ARIH1: variants seen among roughly 807,000 people sequenced by gnomAD.
ARIH1 encodes E3 ubiquitin-protein ligase ARIH1.
In ARIH1, 8 loss-of-function variants were observed where a neutral mutation model predicts 85.0. The ratio of observed to expected loss-of-function variants is 0.09; its 90% CI spans 0.06 to 0.17. The LOEUF (loss-of-function observed/expected upper bound fraction) is 0.17, where lower values mean the gene tolerates loss of function less well. Among genes scored for constraint, ARIH1 ranks in the 10% least tolerant of loss-of-function variants. The pLI is 1.00. For missense variants in ARIH1, 311 were observed against 718.1 expected (o/e 0.43, Z 6.48); for synonymous variants, 238 against 253.6 (o/e 0.94, Z 0.59).
intron 5 of ARIH1, among the ~76,000 whole-genome samples, chr15:72,558,162 G>A (rs2064182735): frequency 6.6e-6 from 1 of 152,108 alleles, no homozygotes; most frequent in Admixed American, 6.6e-5. Context: ...GTTGGCTATG[G>A]GTTTGTCATA....
intron 7 of ARIH1, among the ~76,000 whole-genome samples, chr15:72,564,393 A>G (rs1207465928): frequency 6.6e-6 from 1 of 152,098 alleles, no homozygotes; most frequent in Non-Finnish European, 1.5e-5. Context: ...TATTTCTAAC[A>G]ACATTCTGTT....
At chr15:72,487,415 A>G (rs1454275685) in intron 1 of ARIH1, among the ~76,000 whole-genome samples, 2 of 152,260 alleles carry the variant, frequency 1.3e-5, no homozygotes, top group African/African-American at 2.4e-5. Context: ...AGTGTAAACT[A>G]GAAACCGAGA....
rs2064328027 is a variant in ARIH1 at position 72,588,622 on chromosome 15, A to T, written c.*5330A>T. On this transcript the variant is annotated 3_prime_UTR_variant, in exon 14 of 14. Coordinates refer to ENST00000379887, the MANE Select transcript of ARIH1 (RefSeq NM_005744.5). ...GGACAAAATGATTCAAGGCAAATTG[A>T]CTGGCTCAGAATAGGGCCTCACTGG... The T allele has an allele frequency of 6.6e-6, 1 of 152,180 alleles. No individual in the cohort carries two copies. Among genetic ancestry groups the T allele is most frequent in the Non-Finnish European group, 1.5e-5 (1 of 68,042 alleles). The allele number at this position is 152,180 out of a possible 1,614,324, so 9.4% of individuals were successfully genotyped here. A position where few individuals can be genotyped will look rare whatever the true frequency, so the allele number is the denominator to read the frequency against.
At position 72,555,961 on chromosome 15, in the gene ARIH1, A is replaced by C; in HGVS notation, c.737+54A>C. 3 of 1,502,140 alleles carry C rather than the reference A, an allele frequency of 2.0e-6. No homozygotes were observed. The South Asian group carries it at 3.5e-5, about 18-fold the overall frequency. 93.1% of individuals were successfully genotyped at this position (1,502,140 alleles called of 1,614,324 possible). A position where few individuals can be genotyped will look rare whatever the true frequency, so the allele number is the denominator to read the frequency against. ...GAATATTGGTTAGTTGGTTAAACCA[A>C]ATTAATTTTTACTTAGTACCTCAAA... is the stretch of plus-strand genomic sequence containing the variant. On this transcript the variant is annotated intron_variant, in intron 5 of 13. Transcript: ENST00000379887.
chr15:72,535,489 C>G (rs983405861), intron 2 of ARIH1, among the ~76,000 whole-genome samples: 1 of 152,130 alleles, frequency 6.6e-6, no homozygotes, highest in Non-Finnish European at 1.5e-5. Context: ...TATATTACTA[C>G]CTTGTGTTTT....
rs568054535 is a variant in ARIH1, at chr15:72,586,960, G to A, written c.*3668G>A. 4 of 337,682 alleles carry A rather than the reference G, an allele frequency of 1.2e-5. No individual in the cohort carries two copies. The highest frequency in any genetic ancestry group is 2.3e-5 in the Non-Finnish European group (4 of 176,314). The allele number at this position is 337,682 out of a possible 1,614,324, so 20.9% of individuals were successfully genotyped here. ...CTGATACTGTTATATAGGGATGAAG[G>A]GAGAGTTTTCTTAAAGAAGGTCCCA... On this transcript the variant is annotated 3_prime_UTR_variant, in exon 14 of 14. Transcript: ENST00000379887.
rs1275450522 is a variant in ARIH1 at position 72,588,909 on chromosome 15, A to G, written c.*5617A>G. 6.6e-6 allele frequency: 1 copy of G among 152,234 alleles called. No individual in the cohort carries two copies. The highest frequency in any genetic ancestry group is 1.5e-5 in the Non-Finnish European group (1 of 68,040). The allele number at this position is 152,234 out of a possible 1,614,324, so 9.4% of individuals were successfully genotyped here. The stretch of plus-strand genomic sequence containing the variant: ...TTGAGTGGTTATAAGCAAAACTGTC[A>G]TTAAAGCTAGTTGCGTCAAGTCTGC... On this transcript the variant is annotated 3_prime_UTR_variant, in exon 14 of 14. Coordinates refer to ENST00000379887, the MANE Select transcript of ARIH1 (RefSeq NM_005744.5).
At chr15:72,521,573 T>TGCCTCTGTCAGCCAG (rs1266496498) in intron 2 of ARIH1, among the ~76,000 whole-genome samples, 1 of 152,066 alleles carries the variant, frequency 6.6e-6, no homozygotes, top group Non-Finnish European at 1.5e-5. Context: ...GATGGAGTCT[T>TGCCTCTGTCAGCCAG]GCCTCTGTCA....
At chr15:72,576,813 G>T (rs1319910334) in intron 11 of ARIH1, among the ~76,000 whole-genome samples, 2 of 151,948 alleles carry the variant, frequency 1.3e-5, no homozygotes, top group Non-Finnish European at 2.9e-5. Flanking sequence ...CAATTCAGGG[G>T]TTAGGGACAC....
At chr15:72,522,375 G>A (rs775119909) in intron 2 of ARIH1, among the ~76,000 whole-genome samples, 12 of 152,098 alleles carry the variant, frequency 7.9e-5, no homozygotes, top group Non-Finnish European at 1.6e-4. Context: ...TTAGCCAGGC[G>A]TGGTGATGGA....
At chr15:72,494,073 A>G (rs550523145) in intron 1 of ARIH1, among the ~76,000 whole-genome samples, 1 of 152,268 alleles carries the variant, frequency 6.6e-6, no homozygotes, top group East Asian at 1.9e-4. Flanking sequence ...TATTTCTTAT[A>G]AGATCCTAAA....
At chr15:72,527,232 A>ATTTT (rs2064033741) in intron 2 of ARIH1, among the ~76,000 whole-genome samples, 2 of 152,218 alleles carry the variant, frequency 1.3e-5, no homozygotes, top group Non-Finnish European at 2.9e-5. Flanking sequence ...CAAAATCAGA[A>ATTTT]TGTCAAACTA....
chr15:72,579,734 G>T (rs1243383746), intron 11 of ARIH1, among the ~76,000 whole-genome samples: 2 of 152,176 alleles, frequency 1.3e-5, no homozygotes, highest in African/African-American at 4.8e-5. Context: ...AATAACAAAA[G>T]TAGCAGTAGA....
At position 72,567,164 on chromosome 15, in the gene ARIH1, C is replaced by T; in HGVS notation, c.1013C>T (p.Ala338Val). 3 of 1,610,880 alleles carry T rather than the reference C, an allele frequency of 1.9e-6. No individual in the cohort carries two copies. Among genetic ancestry groups the T allele is most frequent in the Non-Finnish European group, 2.5e-6 (3 of 1,178,368 alleles). ...GACAGTGAAACCTCCAATTGGATTG[C>T]AGCCAACACAAAGGTTGGTGTTTTC... ...DDDSETSNWI[A>V]ANTKECPKCH... Residue 338 changes from alanine (A) to valine (V), a missense_variant, in exon 9 of 14, where the codon GCA becomes GTA. Ala to Val is a moderately conservative substitution (Grantham distance 64). Transcript: ENST00000379887.
chr15:72,541,484 G>T (rs1453802430), intron 2 of ARIH1, among the ~76,000 whole-genome samples: 2 of 152,034 alleles, frequency 1.3e-5, no homozygotes, highest in Non-Finnish European at 2.9e-5. Flanking sequence ...CTTTCAGTCA[G>T]TTTACTCTTG....
At chr15:72,536,432 T>A (rs766560147) in intron 2 of ARIH1, among the ~76,000 whole-genome samples, 1 of 152,108 alleles carries the variant, frequency 6.6e-6, no homozygotes, top group Non-Finnish European at 1.5e-5. Context: ...ACCTGCATAG[T>A]TTTACATCTA....
chr15:72,476,842 G>A (rs2063797028), intron 1 of ARIH1, among the ~76,000 whole-genome samples: 1 of 152,130 alleles, frequency 6.6e-6, no homozygotes, highest in South Asian at 2.1e-4. Context: ...TGTTCTGTTT[G>A]TGTTTTCAGT....
chr15:72,475,077 C>G (rs2140386920), intron 1 of ARIH1, 63 bp downstream of exon 1: 1 of 1,539,442 alleles, frequency 6.5e-7, no homozygotes, highest in South Asian at 1.2e-5. Context: ...AGGCGGCACG[C>G]GCGGTCCCGA....
chr15:72,582,070 T>G lies in ARIH1; in HGVS notation c.1477-5T>G, dbSNP rs749115452. ...AGCCAAAATTTACTTTCATTCTTCTTACAGAATAACCAAGCAGATCTAGAG... is the reference window on the plus strand; with the variant it reads ...AGCCAAAATTTACTTTCATTCTTCTGACAGAATAACCAAGCAGATCTAGAG... On this transcript the variant is annotated splice_region_variant and splice_polypyrimidine_tract_variant and intron_variant, in intron 12 of 13. Coordinates refer to ENST00000379887, the MANE Select transcript of ARIH1 (RefSeq NM_005744.5). The surrounding 1 kb of genome is among the most constrained non-coding windows in gnomAD (Gnocchi z 4.6). 6.3e-7 allele frequency: 1 copy of G among 1,587,732 alleles called. No individual in the cohort carries two copies. Among genetic ancestry groups the G allele is most frequent in the South Asian group, 1.1e-5 (1 of 87,010 alleles).
Sources: gnomAD v4.1 joint callset for allele counts (sites outside exome capture counted in the v4.1 genomes callset) on GRCh38, gnomAD v4.1.1 for gene constraint, Gnocchi (gnomAD v3.1) non-coding constraint, MANE v1.5 for transcripts, NCBI Gene and HGNC (gene_info 2026-07-23, HGNC 2026-07-21) for gene names.